HECTD2: variants seen among roughly 807,000 people sequenced by gnomAD.
HECTD2 encodes the protein HECT domain E3 ubiquitin protein ligase 2.
Under a neutral mutation model 103.2 loss-of-function variants are expected in HECTD2, and 35 were observed. The ratio of observed to expected loss-of-function variants is 0.34; its 90% confidence interval spans 0.26 to 0.45. The LOEUF (loss-of-function observed/expected upper bound fraction) is 0.45, where lower values mean the gene tolerates loss of function less well. Among genes scored for constraint, HECTD2 ranks in the 20% least tolerant of loss-of-function variants. The probability of loss-of-function intolerance (pLI) is 1.00; values close to 1 mark genes in which losing one functional copy is unlikely to be tolerated. For missense variants in HECTD2, 596 were observed against 937.4 expected, an observed-to-expected ratio of 0.64 and a Z score of 4.76; for synonymous variants, 281 against 329.9, an observed-to-expected ratio of 0.85 and a Z score of 1.61.
At chr10:91,428,679 G>C (rs1300583036) in intron 2 of HECTD2, among the ~76,000 whole-genome samples, 3 of 151,626 alleles carry the variant, frequency 2.0e-5, no homozygotes, top group East Asian at 1.9e-4. Context: ...CTCTCTGTTT[G>C]TCTGTTATTG....
At chr10:91,428,551 A>G (rs1843682318) in intron 2 of HECTD2, among the ~76,000 whole-genome samples, 3 of 151,966 alleles carry the variant, frequency 2.0e-5, no homozygotes, top group Non-Finnish European at 2.9e-5. Flanking sequence ...CTTTTATTTC[A>G]TTGAGCAGTG....
upstream of HECTD2, among the ~76,000 whole-genome samples, chr10:91,410,034 G>A (rs899196169): frequency 6.6e-6 from 1 of 152,158 alleles, no homozygotes. Flanking sequence ...TCTCCTGCGC[G>A]GCCCGGGTGC....
intron 2 of HECTD2, among the ~76,000 whole-genome samples, chr10:91,438,590 C>T (rs1216826135): frequency 6.6e-6 from 1 of 151,636 alleles, no homozygotes; most frequent in African/African-American, 2.4e-5. Context: ...TGGGTATATA[C>T]CCATTAATGG....
intron 6 of HECTD2, among the ~76,000 whole-genome samples, chr10:91,480,664 G>A (rs1452000359): frequency 6.6e-6 from 1 of 152,002 alleles, no homozygotes; most frequent in East Asian, 1.9e-4. Context: ...TGTATTTAAA[G>A]TATGATTTGA....
At chr10:91,485,455 G>T in intron 10 of HECTD2, 152 bp downstream of exon 10, 3 of 552,062 alleles carry the variant, frequency 5.4e-6, no homozygotes, top group South Asian at 6.0e-5. Context: ...ATTTATTAAA[G>T]TATTTTCTTT....
In HECTD2 at chr10:91,485,301, C is replaced by G; in HGVS notation, c.1092C>G (p.His364Gln). ...CTTGGCAAAACTTTGGAAACTCTCA[C>G]AGGTATGAACAAAAGTTCCTTTGAT... ...YHTWQNFGNS[H>Q]RFSFCQYPFV... The change falls in exon 10 of 21, where the codon CAC becomes CAG. Residue 364 changes from histidine to glutamine, a missense_variant and splice_region_variant. Transcript: ENST00000298068. 6.3e-7 allele frequency: 1 copy of G among 1,585,812 alleles called. No individual in the cohort carries two copies. Among genetic ancestry groups the G allele is most frequent in the South Asian group, 1.2e-5 (1 of 85,500 alleles).
intron 5 of HECTD2, among the ~76,000 whole-genome samples, chr10:91,473,831 G>A (rs1845813729): frequency 6.6e-6 from 1 of 152,146 alleles, no homozygotes; most frequent in Non-Finnish European, 1.5e-5. Flanking sequence ...GTGAGGTTCT[G>A]ATCAACAGTA....
intron 2 of HECTD2, among the ~76,000 whole-genome samples, chr10:91,426,977 T>A (rs1282461068): frequency 6.8e-6 from 1 of 146,432 alleles, no homozygotes; most frequent in African/African-American, 2.6e-5. Flanking sequence ...ATTAGGTGTA[T>A]CTCCTAATGC....
At chr10:91,495,424 T>C (rs1846630641) in intron 14 of HECTD2, among the ~76,000 whole-genome samples, 1 of 152,050 alleles carries the variant, frequency 6.6e-6, no homozygotes, top group South Asian at 2.1e-4. Context: ...TCTTCCAATT[T>C]TTAAAAGTTA....
chr10:91,437,622 TTTTTTTTTTTTTTTTTGGTTGTTTTG>T (rs1844180593), intron 2 of HECTD2, among the ~76,000 whole-genome samples: 1 of 119,850 alleles, frequency 8.3e-6, no homozygotes, highest in Non-Finnish European at 1.5e-5. Context: ...GGTTGTTCTT[TTTTTTTTTTTTTTTTTGGTTGTTTTG>T]TTTTTTTTGT....
At chr10:91,493,054 T>C (rs1006832258) in intron 13 of HECTD2, among the ~76,000 whole-genome samples, 2 of 151,878 alleles carry the variant, frequency 1.3e-5, no homozygotes, top group Admixed American at 1.3e-4. Context: ...GGGATGACAG[T>C]GATAAATTGA....
intron 2 of HECTD2, among the ~76,000 whole-genome samples, chr10:91,455,140 G>A (rs1033426697): frequency 2.3e-4 from 35 of 152,106 alleles, no homozygotes; most frequent in African/African-American, 7.5e-4. Flanking sequence ...TTGAGGAATC[G>A]CCACACTGTC....
rs201405332 is a variant in HECTD2, at chr10:91,425,407, A to G, written c.265A>G (p.Asn89Asp). The change falls in exon 2 of 21, where the codon AAT becomes GAT. Residue 89 changes from asparagine to aspartate, a missense_variant. Around this residue, in one of 4 missense-constraint regions of HECTD2, gnomAD observed 220 missense variants for 233.9 expected, o/e 0.94. Transcript: ENST00000298068. ...ACATCTTGTTTTCCCTAACATCAAG[A>G]ATGGTAAATAATTTTTAAATATATT... ...PAHLVFPNIK[N>D]VREPPPICLD... 4.0e-4 allele frequency: 611 copies of G among 1,512,592 alleles called. 2 individuals carry two copies. The highest frequency in any genetic ancestry group is 4.8e-4 in the Non-Finnish European group (547 of 1,127,902). 93.7% of individuals were successfully genotyped at this position (1,512,592 alleles called of 1,614,324 possible). A position where few individuals can be genotyped will look rare whatever the true frequency, so the allele number is the denominator to read the frequency against.
intron 2 of HECTD2, among the ~76,000 whole-genome samples, chr10:91,434,143 C>CA (rs1424651872): frequency 6.6e-6 from 1 of 151,956 alleles, no homozygotes; most frequent in Non-Finnish European, 1.5e-5. Flanking sequence ...TCCTGTGAGT[C>CA]AGACTTTTTT....
intron 20 of HECTD2, among the ~76,000 whole-genome samples, chr10:91,501,995 CTTCCT>C (rs1846920707): frequency 6.6e-6 from 1 of 152,000 alleles, no homozygotes; most frequent in Non-Finnish European, 1.5e-5. Context: ...GCTCTTAGTT[CTTCCT>C]TTCATTTTAA....
chr10:91,462,055 A>C (rs768400501), intron 4 of HECTD2, 40 bp from the exon 5 acceptor site: 8 of 1,416,782 alleles, frequency 5.6e-6, no homozygotes, highest in Non-Finnish European at 7.9e-6. Context: ...AATAGTCTTT[A>C]AAATGTTGAA....
At position 91,430,003 on chromosome 10, in the gene HECTD2, C is replaced by A. The variant is rs888170876; in HGVS notation, c.268+4593C>A. ...CAATTTTGGATCTTTCCTGCTTTCT[C>A]TTGTGGGCATTTAGTGCTATAAATT... On this transcript the variant is annotated intron_variant, in intron 2 of 20. Coordinates refer to ENST00000298068, the MANE Select transcript of HECTD2 (RefSeq NM_182765.6). Among the ~76,000 whole-genome samples, 63 of 152,084 alleles carry A rather than the reference C, an allele frequency of 4.1e-4. 1 individual carries two copies. Among genetic ancestry groups the A allele is most frequent in the African/African-American group, 1.5e-3 (63 of 41,422 alleles).
chr10:91,449,464 A>C (rs1173477819), intron 2 of HECTD2, among the ~76,000 whole-genome samples: 2 of 152,188 alleles, frequency 1.3e-5, no homozygotes, highest in Non-Finnish European at 2.9e-5. Flanking sequence ...AGCTGGAAGC[A>C]TTCCCTTTAA....
At chr10:91,504,165 C>G (rs1564738602) in intron 20 of HECTD2, among the ~76,000 whole-genome samples, 1 of 152,190 alleles carries the variant, frequency 6.6e-6, no homozygotes, top group East Asian at 1.9e-4. Context: ...GATAAAACCA[C>G]AAAGATGGGG....
Sources: allele counts gnomAD v4.1 joint callset (sites outside exome capture counted in the v4.1 genomes callset), GRCh38; gene constraint gnomAD v4.1.1; regional missense constraint gnomAD v4.1.1; transcripts MANE v1.5; gene names NCBI Gene and HGNC (gene_info 2026-07-23, HGNC 2026-07-21).